DPP6: variants seen among roughly 807,000 people sequenced by gnomAD.
DPP6 encodes dipeptidyl peptidase like 6.
Under a neutral mutation model 122.6 loss-of-function variants are expected in DPP6, and 69 were observed. The observed-to-expected ratio is 0.56, with a 90% CI of 0.46 to 0.69. The LOEUF (loss-of-function observed/expected upper bound fraction) is 0.69, where lower values mean the gene tolerates loss of function less well. DPP6 is among the 30% of genes least tolerant of loss of function. The pLI, the probability that DPP6 is intolerant of heterozygous loss-of-function variation, is 0.00. For synonymous variants in DPP6, 418 were observed against 433.1 expected, an observed-to-expected ratio of 0.97 and a Z score of 0.43; for missense variants, 928 against 1,116.9, an observed-to-expected ratio of 0.83 and a Z score of 2.41.
chr7:154,288,160 G>A (rs148644573), intron 1 of DPP6, among the ~76,000 whole-genome samples: 3 of 152,294 alleles, frequency 2.0e-5, no homozygotes, highest in African/African-American at 4.8e-5. Context: ...AGTTACTGTT[G>A]GAGAGAGGGT....
chr7:154,635,495 G>A (rs56329532), intron 5 of DPP6, among the ~76,000 whole-genome samples: 1 of 152,218 alleles, frequency 6.6e-6, no homozygotes, highest in African/African-American at 2.4e-5. Context: ...CAGAAGAAAC[G>A]TATCTAAATC....
intron 1 of DPP6, among the ~76,000 whole-genome samples, chr7:154,056,345 T>C (rs1187173330): frequency 6.6e-6 from 1 of 152,178 alleles, no homozygotes; most frequent in African/African-American, 2.4e-5. Context: ...ATTCATTGTG[T>C]AGGTTTAAAA....
intron 19 of DPP6, among the ~76,000 whole-genome samples, chr7:154,873,765 C>T (rs936942027): frequency 2.6e-5 from 4 of 151,790 alleles, no homozygotes; most frequent in African/African-American, 4.8e-5. Context: ...CACAGGCACA[C>T]GCACATGCAC....
chr7:154,832,117 C>T (rs1464912), intron 16 of DPP6, among the ~76,000 whole-genome samples: 59,299 of 152,072 alleles, frequency 0.39, 13,809 homozygotes, highest in East Asian at 0.61. Context: ...TTCCCTAAAA[C>T]AGGTTATGAC....
chr7:154,070,913 C>T (rs1803071245), intron 1 of DPP6, among the ~76,000 whole-genome samples: 4 of 152,132 alleles, frequency 2.6e-5, no homozygotes, highest in African/African-American at 4.8e-5. Context: ...AATCCATCCT[C>T]TTTGAAATAA....
the DPP6 span, among the ~76,000 whole-genome samples, chr7:153,787,201 C>T: frequency 3.5e-5 from 5 of 141,502 alleles, no homozygotes; most frequent in African/African-American, 1.0e-4. Flanking sequence ...CCACCCGCCT[C>T]GGCCTCCCAA....
chr7:154,877,437 CAAAT>C lies in DPP6; in HGVS notation c.2078+1340_2078+1343del, dbSNP rs1369949988. ...CACACACACACACACACACACCTCTCAAATAAGGAACTATATTGGCTACAAAAGA... is the reference window on the plus strand; with the variant it reads ...CACACACACACACACACACACCTCTCAAGGAACTATATTGGCTACAAAAGA... On this transcript the variant is annotated intron_variant, in intron 20 of 25. Transcript: ENST00000377770. This position sits in a 1 kb window ranked among gnomAD's most constrained non-coding sequence, Gnocchi z 5.2. 6.6e-6 allele frequency among the ~76,000 whole-genome samples: 1 copy of C among 151,576 alleles called. No homozygotes were observed. Among genetic ancestry groups the C allele is most frequent in the Non-Finnish European group, 1.5e-5 (1 of 67,934 alleles).
intron 1 of DPP6, among the ~76,000 whole-genome samples, chr7:153,978,729 G>C (rs936295034): frequency 7.2e-5 from 11 of 152,156 alleles, no homozygotes; most frequent in African/African-American, 2.7e-4. Flanking sequence ...TTTGTATAAA[G>C]TGTAAGGAAA....
At position 154,091,736 on chromosome 7, in the gene DPP6, A is replaced by G. The variant is rs186796389; in HGVS notation, c.243+38673A>G. 2.0e-5 allele frequency among the ~76,000 whole-genome samples: 3 copies of G among 151,946 alleles called. No homozygotes were observed. The East Asian group carries it at 5.8e-4, about 30-fold the overall frequency. The stretch of plus-strand genomic sequence containing the variant: ...CCCCCTCACCACGTGGCCTCAGGAG[A>G]TAGGGCGGTGTCACTGCCTCTGCTG... On this transcript the variant is annotated intron_variant, in intron 1 of 25. Coordinates refer to ENST00000377770, the MANE Select transcript of DPP6 (RefSeq NM_130797.4).
chr7:154,337,536 A>G (rs1809534549), intron 1 of DPP6, among the ~76,000 whole-genome samples: 1 of 152,174 alleles, frequency 6.6e-6, no homozygotes, highest in Non-Finnish European at 1.5e-5. Context: ...GTGGCAAATT[A>G]TGACACAGGC....
chr7:153,857,108 T>G, the DPP6 span, among the ~76,000 whole-genome samples: 2 of 152,326 alleles, frequency 1.3e-5, no homozygotes, highest in East Asian at 1.9e-4. Flanking sequence ...TAATACCTTT[T>G]TTCTATGACA....
the DPP6 span, among the ~76,000 whole-genome samples, chr7:153,793,473 C>T: frequency 5.5e-5 from 8 of 146,720 alleles, no homozygotes; most frequent in African/African-American, 2.0e-4. Flanking sequence ...AGCAGCAAAA[C>T]ATTCAAGAGG....
intron 1 of DPP6, among the ~76,000 whole-genome samples, chr7:154,239,397 A>G (rs1000609975): frequency 6.6e-6 from 1 of 152,190 alleles, no homozygotes; most frequent in African/African-American, 2.4e-5. Context: ...CAGCAAGACC[A>G]GCCCTTCCTC....
intron 1 of DPP6, among the ~76,000 whole-genome samples, chr7:154,061,068 G>C (rs1464819978): frequency 6.8e-6 from 1 of 147,172 alleles, no homozygotes; most frequent in East Asian, 1.9e-4. Flanking sequence ...CGACGGGTCC[G>C]AACGCAGCTC....
chr7:154,885,344 G>C, intron 21 of DPP6: 1 of 385,474 alleles, frequency 2.6e-6, no homozygotes, highest in East Asian at 5.7e-5. Flanking sequence ...CCTTACACCT[G>C]TGCAGTCCAC....
intron 1 of DPP6, among the ~76,000 whole-genome samples, chr7:154,298,474 T>C (rs1437960149): frequency 6.6e-6 from 1 of 152,146 alleles, no homozygotes; most frequent in Non-Finnish European, 1.5e-5. Flanking sequence ...TGTGCTCTTA[T>C]TGCACCTCCA....
chr7:154,416,571 G>A (rs1425387969), intron 1 of DPP6, among the ~76,000 whole-genome samples: 1 of 152,074 alleles, frequency 6.6e-6, no homozygotes, highest in Non-Finnish European at 1.5e-5. Context: ...AAATGACACT[G>A]TATCATAGCT....
intron 16 of DPP6, among the ~76,000 whole-genome samples, chr7:154,850,393 G>A (rs1802272716): frequency 6.6e-6 from 1 of 151,798 alleles, no homozygotes; most frequent in South Asian, 2.1e-4. Context: ...TTAGACTGTA[G>A]TTGGGGTTTT....
At chr7:154,208,186 C>T (rs771530965) in intron 1 of DPP6, among the ~76,000 whole-genome samples, 1 of 152,126 alleles carries the variant, frequency 6.6e-6, no homozygotes, top group Non-Finnish European at 1.5e-5. Context: ...AAGAAAGAGG[C>T]CCTGGAACTC....
Sources: gnomAD v4.1 joint callset for allele counts (sites outside exome capture counted in the v4.1 genomes callset) on GRCh38, gnomAD v4.1.1 for gene constraint, Gnocchi (gnomAD v3.1) non-coding constraint, MANE v1.5 for transcripts, NCBI Gene and HGNC (gene_info 2026-07-23, HGNC 2026-07-21) for gene names.